CFAP47: variants seen among roughly 807,000 people sequenced by gnomAD.
The protein encoded by CFAP47 is cilia and flagella associated protein 47.
A neutral mutation model predicts 148.1 loss-of-function variants in CFAP47; 29 were observed. The observed-to-expected ratio is 0.20, with a 90% CI of 0.15 to 0.27. The LOEUF (loss-of-function observed/expected upper bound fraction) is 0.27, where lower values mean the gene tolerates loss of function less well. CFAP47 is among the 10% of genes least tolerant of loss of function. CFAP47 has a pLI of 1.00. For synonymous variants in CFAP47, 664 were observed against 577.3 expected (o/e 1.15, Z -2.15); for missense variants, 1,872 against 1,697.5 (o/e 1.10, Z -1.81).
chrX:35,967,845 A>G lies in CFAP47; in HGVS notation c.1814+13A>G. ...ATAAACATTTCAGGTAACATGAAAT[A>G]TTAAAACCCTGAAATTTGGAAAAGC... On this transcript the variant is annotated intron_variant, in intron 10 of 63. Coordinates refer to ENST00000378653, the MANE Select transcript of CFAP47 (RefSeq NM_001304548.2). 8.7e-7 allele frequency: 1 copy of G among 1,151,297 alleles called. No individual in the cohort carries two copies. Among genetic ancestry groups the G allele is most frequent in the East Asian group, 3.1e-5 (1 of 32,631 alleles). 94.9% of individuals were successfully genotyped at this position (1,151,297 alleles called of 1,213,427 possible).
chrX:36,380,180 G>A (rs1942065135), intron 63 of CFAP47, among the ~76,000 whole-genome samples: 1 of 112,165 alleles, frequency 8.9e-6, no homozygotes, highest in Non-Finnish European at 1.9e-5. Flanking sequence ...TCTACTTTCA[G>A]TAGCATTGGC....
intron 57 of CFAP47, among the ~76,000 whole-genome samples, chrX:36,329,572 C>T (rs1041667464): frequency 8.9e-6 from 1 of 111,867 alleles, no homozygotes; most frequent in Admixed American, 9.5e-5. Context: ...TTTATTTCTT[C>T]ATTCTGATAA....
chrX:36,019,373 TGCCGACCTCCTCCCCCGAGTAG>T (rs1937133113), intron 22 of CFAP47, among the ~76,000 whole-genome samples: 1 of 112,038 alleles, frequency 8.9e-6, no homozygotes, highest in African/African-American at 3.2e-5. Context: ...AATAAACTTC[TGCCGACCTCCTCCCCCGAGTAG>T]GAGGCAGTTA....
At chrX:36,043,853 C>T (rs1001736293) in intron 25 of CFAP47, among the ~76,000 whole-genome samples, 1 of 112,742 alleles carries the variant, frequency 8.9e-6, no homozygotes, top group African/African-American at 3.2e-5. Flanking sequence ...CTACATTTCC[C>T]TTCTGCACTG....
chrX:36,243,655 A>G (rs956724510), intron 48 of CFAP47, among the ~76,000 whole-genome samples: 5,460 of 63,470 alleles, frequency 0.086, 233 homozygotes, highest in South Asian at 0.21. Context: ...GTGTATATAT[A>G]TATATATATA....
At chrX:36,306,574 A>G (rs1413685313) in intron 54 of CFAP47, among the ~76,000 whole-genome samples, 198 bp from the exon 55 acceptor site, 3 of 111,096 alleles carry the variant, frequency 2.7e-5, no homozygotes, top group Non-Finnish European at 5.7e-5. Context: ...ACATGATGTG[A>G]TCACCCCCAA....
At chrX:36,100,112 A>C (rs1938349418) in intron 32 of CFAP47, among the ~76,000 whole-genome samples, 1 of 111,430 alleles carries the variant, frequency 9.0e-6, no homozygotes, top group Non-Finnish European at 1.9e-5. Context: ...TTCTCTGAAG[A>C]AGGAAGAGCA....
intron 21 of CFAP47, among the ~76,000 whole-genome samples, chrX:36,011,828 T>C (rs1264380813): frequency 8.9e-6 from 1 of 112,254 alleles, no homozygotes. Flanking sequence ...TGCTAGTTTA[T>C]TTGCTGTGCA....
At chrX:35,952,496 T>G (rs1936182643) in intron 6 of CFAP47, among the ~76,000 whole-genome samples, 1 of 112,279 alleles carries the variant, frequency 8.9e-6, no homozygotes, top group South Asian at 3.7e-4. Flanking sequence ...TTATTAAATT[T>G]GAAGAGCATG....
intron 21 of CFAP47, among the ~76,000 whole-genome samples, chrX:36,004,067 G>T (rs1178988278): frequency 1.0e-5 from 1 of 98,619 alleles, no homozygotes; most frequent in Non-Finnish European, 2.0e-5. Flanking sequence ...CCACCTCCCC[G>T]ATTCAAGTGA....
chrX:36,265,364 A>G (rs1556000891), intron 49 of CFAP47, among the ~76,000 whole-genome samples: 1 of 111,643 alleles, frequency 9.0e-6, no homozygotes. Flanking sequence ...AGATTGTTTG[A>G]CATCCTCTCT....
intron 49 of CFAP47, among the ~76,000 whole-genome samples, chrX:36,265,694 A>G (rs961122558): frequency 8.9e-6 from 1 of 111,786 alleles, no homozygotes; most frequent in African/African-American, 3.3e-5. Context: ...TTTGAATTCT[A>G]TGTCTGACAT....
chrX:35,971,838 A>T (rs755340275), intron 12 of CFAP47, 31 bp from the exon 13 acceptor site: 12 of 1,185,251 alleles, frequency 1.0e-5, no homozygotes, highest in Non-Finnish European at 1.3e-5. Flanking sequence ...GCTAATAATG[A>T]ATAATTCTGG....
chrX:35,956,992 A>G (rs938451861), intron 8 of CFAP47, among the ~76,000 whole-genome samples: 2 of 110,641 alleles, frequency 1.8e-5, no homozygotes, highest in Admixed American at 9.7e-5. Flanking sequence ...CAGGTGGATC[A>G]CAAGTCAAGA....
At chrX:35,945,666 C>T (rs767108340) in intron 3 of CFAP47, among the ~76,000 whole-genome samples, 2 of 111,102 alleles carry the variant, frequency 1.8e-5, no homozygotes, top group Non-Finnish European at 3.8e-5. Context: ...AGTAATACTA[C>T]TTTTCTCTGC....
intron 30 of CFAP47, among the ~76,000 whole-genome samples, chrX:36,086,676 T>A (rs747169668): frequency 8.9e-6 from 1 of 111,884 alleles, no homozygotes; most frequent in South Asian, 3.7e-4. Flanking sequence ...TTTCTTTCAT[T>A]TCTTAGGCTC....
At chrX:36,235,834 A>G (rs1173288724) in intron 46 of CFAP47, 100 bp from the exon 47 acceptor site, 2 of 362,768 alleles carry the variant, frequency 5.5e-6, no homozygotes, top group Non-Finnish European at 9.7e-6. Flanking sequence ...ACAATTAAAA[A>G]TACAATATAT....
intron 15 of CFAP47, among the ~76,000 whole-genome samples, chrX:35,982,511 G>A (rs1936660373): frequency 9.0e-6 from 1 of 111,109 alleles, no homozygotes; most frequent in African/African-American, 3.3e-5. Context: ...TGCTTTTGGT[G>A]TCTTCATCAT....
rs191810996 is a variant in CFAP47 at position 36,287,851 on chromosome X, A to G, written c.7686+2125A>G. ...GAGATAGTATGATCTCTTTTAAATAATGCCATCAAATGAAACCTTTGTCCA... is the reference window on the plus strand; with the variant it reads ...GAGATAGTATGATCTCTTTTAAATAGTGCCATCAAATGAAACCTTTGTCCA... On this transcript the variant is annotated intron_variant, in intron 51 of 63. Transcript: ENST00000378653. 9.3e-4 allele frequency among the ~76,000 whole-genome samples: 104 copies of G among 112,123 alleles called. 1 individual carries two copies. In the East Asian group the frequency reaches 0.023, roughly 24 times the overall value.
Sources: gnomAD v4.1 joint callset for allele counts (sites outside exome capture counted in the v4.1 genomes callset) on GRCh38, gnomAD v4.1.1 for gene constraint, MANE v1.5 for transcripts, NCBI Gene and HGNC (gene_info 2026-07-23, HGNC 2026-07-21) for gene names.